Variants in MINPP1 observed in about 807,000 individuals in gnomAD.
The protein encoded by MINPP1 is multiple inositol-polyphosphate phosphatase 1.
In MINPP1, 28 loss-of-function variants were observed where a neutral mutation model predicts 46.1. The ratio of observed to expected loss-of-function variants is 0.61; its 90% CI spans 0.45 to 0.83. The LOEUF is 0.83. MINPP1 is among the 40% of genes least tolerant of loss of function. MINPP1 has a pLI of 0.00. For missense variants in MINPP1, 603 were observed against 610.0 expected (o/e 0.99, Z 0.12); for synonymous variants, 268 against 249.1 (o/e 1.08, Z -0.72).
intron 1 of MINPP1, among the ~76,000 whole-genome samples, chr10:87,506,725 A>G (rs1851257708): frequency 6.6e-6 from 1 of 152,212 alleles, no homozygotes. Flanking sequence ...TTAAGGCCAG[A>G]ATTGAAGTGA....
At chr10:87,513,038 C>T (rs531669344) in intron 2 of MINPP1, 86 bp from the exon 3 acceptor site, 1 of 907,242 alleles carries the variant, frequency 1.1e-6, no homozygotes, top group East Asian at 2.4e-5. Flanking sequence ...TTGAGCTGTA[C>T]CACACATGGC....
In MINPP1 at chr10:87,552,162, A is replaced by G. The variant is rs1457751795; in HGVS notation, c.1148A>G (p.Tyr383Cys). Residue 383 changes from tyrosine to cysteine, a missense_variant, in exon 5 of 5, where the codon TAC becomes TGC. Coordinates refer to ENST00000371996, the MANE Select transcript of MINPP1 (RefSeq NM_004897.5). ...TLLPLLSLMG[Y>C]FKDKEPLTAY... is the part of the protein sequence containing the mutation. ...CTTCCACTGCTTTCTCTCATGGGCT[A>G]CTTCAAAGACAAGGAACCCCTAACA... 1.2e-6 allele frequency: 2 copies of G among 1,613,682 alleles called. No homozygotes were observed. The highest frequency in any genetic ancestry group is 1.7e-6 in the Non-Finnish European group (2 of 1,179,748).
intron 4 of MINPP1, among the ~76,000 whole-genome samples, chr10:87,548,259 G>T (rs1414417312): frequency 6.6e-6 from 1 of 152,146 alleles, no homozygotes; most frequent in Non-Finnish European, 1.5e-5. Flanking sequence ...ACAGACACAT[G>T]CGAATCTGAA....
At chr10:87,534,767 G>A (rs1365246210) in intron 4 of MINPP1, among the ~76,000 whole-genome samples, 2 of 152,198 alleles carry the variant, frequency 1.3e-5, no homozygotes, top group African/African-American at 4.8e-5. Flanking sequence ...AGAATAGGCT[G>A]TTTTGTGAAG....
chr10:87,524,340 C>T lies in MINPP1; in HGVS notation c.1067+3171C>T, dbSNP rs1851544978. Among the ~76,000 whole-genome samples the T allele has an allele frequency of 2.0e-5, 3 of 152,168 alleles. No individual in the cohort carries two copies. In the South Asian group the frequency reaches 6.2e-4, roughly 31 times the overall value. ...GCAGCTTCCTTACCTCTTAGCTTTT[C>T]TAGAATTGAGGAGAGTTAGAGCCTT... On this transcript the variant is annotated intron_variant, in intron 4 of 4. Coordinates refer to ENST00000371996, the MANE Select transcript of MINPP1 (RefSeq NM_004897.5).
At chr10:87,538,649 C>A (rs1851771772) in intron 4 of MINPP1, among the ~76,000 whole-genome samples, 1 of 152,128 alleles carries the variant, frequency 6.6e-6, no homozygotes, top group Admixed American at 6.5e-5. Flanking sequence ...ACTGATGTTT[C>A]AATTAGATGT....
At chr10:87,528,403 G>A (rs892414109) in intron 4 of MINPP1, among the ~76,000 whole-genome samples, 15 of 152,206 alleles carry the variant, frequency 9.9e-5, no homozygotes, top group African/African-American at 3.6e-4. Context: ...ATTCTGGTAT[G>A]TTGTGTCTTT....
At chr10:87,513,277 C>A in intron 3 of MINPP1, 56 bp downstream of exon 3, 1 of 1,315,398 alleles carries the variant, frequency 7.6e-7, no homozygotes, top group Non-Finnish European at 1.1e-6. Context: ...TTTTGGCTTG[C>A]TTGTTTGCAT....
At chr10:87,525,588 G>A (rs1046328600) in intron 4 of MINPP1, among the ~76,000 whole-genome samples, 2 of 151,866 alleles carry the variant, frequency 1.3e-5, no homozygotes, top group Admixed American at 6.6e-5. Flanking sequence ...GGGTACATGT[G>A]CACAATGTGC....
chr10:87,551,617 G>A (rs1246015492), intron 4 of MINPP1, among the ~76,000 whole-genome samples: 1 of 151,726 alleles, frequency 6.6e-6, no homozygotes, highest in East Asian at 1.9e-4. Context: ...GTTCAGACTT[G>A]GTAAGACATT....
intron 4 of MINPP1, among the ~76,000 whole-genome samples, chr10:87,535,660 G>T (rs762202107): frequency 6.6e-6 from 1 of 152,136 alleles, no homozygotes; most frequent in Non-Finnish European, 1.5e-5. Flanking sequence ...TGGCGTGGTG[G>T]CTCAGACCTG....
chr10:87,524,863 G>A (rs1005649549), intron 4 of MINPP1, among the ~76,000 whole-genome samples: 40 of 151,974 alleles, frequency 2.6e-4, no homozygotes, highest in African/African-American at 8.9e-4. Context: ...AATTACAAAA[G>A]TAACATAAAA....
chr10:87,537,817 C>G (rs1851759216), intron 4 of MINPP1, among the ~76,000 whole-genome samples: 1 of 151,530 alleles, frequency 6.6e-6, no homozygotes. Flanking sequence ...TTACCCAGGC[C>G]AGAGAACAGT....
Position 87,505,983 on chromosome 10 carries a change from C to T in MINPP1, c.637+431C>T, listed in dbSNP as rs766908775. Among the ~76,000 whole-genome samples the T allele has an allele frequency of 6.6e-6, 1 of 151,626 alleles. No homozygotes were observed. Among genetic ancestry groups the T allele is most frequent in the Non-Finnish European group, 1.5e-5 (1 of 67,932 alleles). On this transcript the variant is annotated intron_variant, in intron 1 of 4. Transcript: ENST00000371996. The surrounding 1 kb of genome is among the most constrained non-coding windows in gnomAD (Gnocchi z 4.4). Reference sequence around the variant, plus strand: ...AAAAACAGAATCTAGAATTTTCTTCCTCGGGCTTTGCTTCCGATACTAGTT... The same window carrying T: ...AAAAACAGAATCTAGAATTTTCTTCTTCGGGCTTTGCTTCCGATACTAGTT...
intron 4 of MINPP1, among the ~76,000 whole-genome samples, chr10:87,546,863 G>A (rs776348166): frequency 6.6e-6 from 1 of 152,186 alleles, no homozygotes; most frequent in Non-Finnish European, 1.5e-5. Context: ...CCAGGAGGTC[G>A]AGGCTGCAGT....
At chr10:87,523,992 C>G (rs1039763166) in intron 4 of MINPP1, among the ~76,000 whole-genome samples, 1 of 152,078 alleles carries the variant, frequency 6.6e-6, no homozygotes, top group African/African-American at 2.4e-5. Context: ...TCTTACGGGC[C>G]CTAGAATTTT....
intron 4 of MINPP1, among the ~76,000 whole-genome samples, chr10:87,541,466 T>C (rs1833799316): frequency 6.6e-6 from 1 of 152,254 alleles, no homozygotes; most frequent in African/African-American, 2.4e-5. Flanking sequence ...ATGAGTTAGA[T>C]GTTTTACTTA....
chr10:87,546,210 A>G (rs113063311), intron 4 of MINPP1, among the ~76,000 whole-genome samples: 15 of 152,232 alleles, frequency 9.9e-5, no homozygotes, highest in African/African-American at 3.6e-4. Context: ...TTTCTGGGAA[A>G]GGGTAGGGAA....
intron 4 of MINPP1, among the ~76,000 whole-genome samples, chr10:87,543,715 T>C (rs952394166): frequency 3.9e-4 from 59 of 152,260 alleles, no homozygotes; most frequent in African/African-American, 1.1e-3. Context: ...AAAATAAATT[T>C]TTTAAAAAGA....
Sources: allele counts gnomAD v4.1 joint callset (sites outside exome capture counted in the v4.1 genomes callset), GRCh38; gene constraint gnomAD v4.1.1; non-coding constraint Gnocchi (gnomAD v3.1); transcripts MANE v1.5; gene names NCBI Gene and HGNC (gene_info 2026-07-23, HGNC 2026-07-21).